Variants in DLGAP1 observed in about 807,000 individuals in gnomAD.
The protein encoded by DLGAP1 is DLG associated protein 1, also known as disks large-associated protein 1.
Under a neutral mutation model 90.8 loss-of-function variants are expected in DLGAP1, and 11 were observed. The ratio of observed to expected loss-of-function variants is 0.12; its 90% CI spans 0.08 to 0.20. The LOEUF is 0.20. Among genes scored for constraint, DLGAP1 ranks in the 10% least tolerant of loss-of-function variants. The pLI, the probability that DLGAP1 is intolerant of heterozygous loss-of-function variation, is 1.00. For missense variants in DLGAP1, 1,050 were observed against 1,333.8 expected, an observed-to-expected ratio of 0.79 and a Z score of 3.31; for synonymous variants, 558 against 540.7, an observed-to-expected ratio of 1.03 and a Z score of -0.44.
At chr18:3,591,069 C>T (rs2056210128) in intron 7 of DLGAP1, among the ~76,000 whole-genome samples, 1 of 152,082 alleles carries the variant, frequency 6.6e-6, no homozygotes, top group African/African-American at 2.4e-5. Context: ...CACTAATCTG[C>T]AGCAGATTGA....
At chr18:4,277,733 G>A (rs1223177438) in intron 1 of DLGAP1, among the ~76,000 whole-genome samples, 1 of 152,146 alleles carries the variant, frequency 6.6e-6, no homozygotes, top group Non-Finnish European at 1.5e-5. Flanking sequence ...AGTTTCCAGA[G>A]ATACTACTGT....
Position 3,517,588 on chromosome 18 carries a change from C to T in DLGAP1, c.2480-8927G>A, listed in dbSNP as rs562232793. On this transcript the variant is annotated intron_variant, in intron 10 of 12. Transcript: ENST00000315677. The surrounding 1 kb of genome is among the most constrained non-coding windows in gnomAD (Gnocchi z 4.1). ...ATCCCAGCACTTTGGGAGGCTGAGGCGGGTGGGTTACCTGAGGTCAGGAGG... is the reference window on the plus strand; with the variant it reads ...ATCCCAGCACTTTGGGAGGCTGAGGTGGGTGGGTTACCTGAGGTCAGGAGG... Among the ~76,000 whole-genome samples the T allele has an allele frequency of 6.6e-6, 1 of 152,080 alleles. No homozygotes were observed.
intron 2 of DLGAP1, among the ~76,000 whole-genome samples, chr18:4,101,442 C>T (rs2075776601): frequency 1.3e-5 from 2 of 152,082 alleles, no homozygotes; most frequent in African/African-American, 4.8e-5. Context: ...AAGATCACTA[C>T]AATAGATAAC....
intron 1 of DLGAP1, among the ~76,000 whole-genome samples, chr18:4,239,922 T>C (rs1017405949): frequency 6.6e-6 from 1 of 152,218 alleles, no homozygotes; most frequent in Non-Finnish European, 1.5e-5. Context: ...ACCTACTTAA[T>C]ATAATTTCCT....
chr18:4,419,674 GTCCT>G (rs1395157912), intron 1 of DLGAP1, among the ~76,000 whole-genome samples: 2 of 146,632 alleles, frequency 1.4e-5, no homozygotes, highest in East Asian at 4.0e-4. Context: ...ATTATTTAAG[GTCCT>G]TACATAATGC....
At chr18:3,631,847 G>A (rs1197980668) in intron 7 of DLGAP1, among the ~76,000 whole-genome samples, 1 of 152,142 alleles carries the variant, frequency 6.6e-6, no homozygotes, top group Non-Finnish European at 1.5e-5. Flanking sequence ...CAAATGGCGA[G>A]ATCATAGTTC....
intron 7 of DLGAP1, among the ~76,000 whole-genome samples, chr18:3,658,134 G>A (rs1023901576): frequency 6.6e-6 from 1 of 152,144 alleles, no homozygotes; most frequent in Admixed American, 6.5e-5. Flanking sequence ...TGTACATAAA[G>A]TTGGGCAGAG....
At position 4,084,878 on chromosome 18, in the gene DLGAP1, T is replaced by C. The variant is rs370445032; in HGVS notation, c.-159+66302A>G. On this transcript the variant is annotated intron_variant, in intron 2 of 12. Coordinates refer to ENST00000315677, the MANE Select transcript of DLGAP1 (RefSeq NM_004746.4). The surrounding 1 kb of genome is among the most constrained non-coding windows in gnomAD (Gnocchi z 4.0). ...AGGAAGAGTGAAGGAAAGCCTTTCCTCCCCTACATTTTATTCTGTTTAAGT... is the reference window on the plus strand; with the variant it reads ...AGGAAGAGTGAAGGAAAGCCTTTCCCCCCCTACATTTTATTCTGTTTAAGT... Among the ~76,000 whole-genome samples, 44 of 152,274 alleles carry C rather than the reference T, an allele frequency of 2.9e-4. No individual in the cohort carries two copies. In the East Asian group the frequency reaches 4.1e-3, roughly 14 times the overall value.
intron 4 of DLGAP1, among the ~76,000 whole-genome samples, chr18:3,829,448 T>TGGGGGGGGGGGGGGGGG (rs1568204049): frequency 8.4e-5 from 1 of 11,862 alleles, no homozygotes; most frequent in African/African-American, 3.1e-4. Flanking sequence ...AGCTTGGGGG[T>TGGGGGGGGGGGGGGGGG]GGGAGGGGGT....
chr18:4,210,860 C>T (rs562645834), intron 1 of DLGAP1, among the ~76,000 whole-genome samples: 2 of 152,256 alleles, frequency 1.3e-5, no homozygotes, highest in Admixed American at 6.5e-5. Context: ...TTAACCCTTT[C>T]GTTTACATGT....
intron 3 of DLGAP1, among the ~76,000 whole-genome samples, chr18:3,958,991 T>C (rs1478613741): frequency 6.6e-6 from 1 of 152,226 alleles, no homozygotes; most frequent in Admixed American, 6.5e-5. Context: ...CAAAGTGTGA[T>C]GTTGGGTCAC....
At chr18:4,247,702 G>A (rs908654478) in intron 1 of DLGAP1, among the ~76,000 whole-genome samples, 147 of 152,128 alleles carry the variant, frequency 9.7e-4, no homozygotes, top group Non-Finnish European at 1.0e-4. Flanking sequence ...ACTTAAACCT[G>A]GGAGATGGAG....
chr18:4,138,294 C>T (rs1262211572), intron 2 of DLGAP1, among the ~76,000 whole-genome samples: 1 of 150,448 alleles, frequency 6.6e-6, no homozygotes, highest in Non-Finnish European at 1.5e-5. Flanking sequence ...TCTACACCCA[C>T]TTTTTTGAAG....
intron 5 of DLGAP1, among the ~76,000 whole-genome samples, chr18:3,796,773 A>G (rs1952287199): frequency 6.6e-6 from 1 of 152,230 alleles, no homozygotes. Context: ...AATGCTCAGA[A>G]TTCATATTTT....
chr18:4,144,177 T>C (rs1006178864), intron 2 of DLGAP1, among the ~76,000 whole-genome samples: 10 of 152,200 alleles, frequency 6.6e-5, no homozygotes, highest in African/African-American at 2.4e-4. Context: ...GCACCAGGAC[T>C]TGCCCCAGAA....
rs563492689 is a variant in DLGAP1 at position 4,395,309 on chromosome 18, A to G, written c.-267+59697T>C. The stretch of plus-strand genomic sequence containing the variant: ...TTTTTATATCCCTATTACTATCTCT[A>G]AAACATTGGGGAGGTAAGTATCGCT... On this transcript the variant is annotated intron_variant, in intron 1 of 12. Coordinates refer to ENST00000315677, the MANE Select transcript of DLGAP1 (RefSeq NM_004746.4). Among the ~76,000 whole-genome samples, 19 of 152,360 alleles carry G rather than the reference A, an allele frequency of 1.2e-4. No homozygotes were observed. In the South Asian group the frequency reaches 3.9e-3, roughly 32 times the overall value.
intron 1 of DLGAP1, among the ~76,000 whole-genome samples, chr18:4,385,541 T>C (rs1328896747): frequency 2.6e-5 from 4 of 152,104 alleles, no homozygotes; most frequent in African/African-American, 7.2e-5. Context: ...AGATTGCTGG[T>C]TGCTGCCAGG....
chr18:4,278,444 T>G (rs891377364), intron 1 of DLGAP1, among the ~76,000 whole-genome samples: 4 of 152,148 alleles, frequency 2.6e-5, no homozygotes, highest in Non-Finnish European at 5.9e-5. Flanking sequence ...CCTCCCACTC[T>G]CCTACTCTTC....
chr18:3,611,132 TA>T lies in DLGAP1; in HGVS notation c.1592-28885del, dbSNP rs879375557. Among the ~76,000 whole-genome samples the T allele has an allele frequency of 1.3e-3, 186 of 145,314 alleles. 1 individual carries two copies. Among genetic ancestry groups the T allele is most frequent in the Non-Finnish European group, 1.5e-3 (99 of 65,732 alleles). ...GGGCGATAGAGCAAGACCCTGTCTT[TA>T]AAAAAAAAAAGTGTATACTTTTTTT... is the stretch of plus-strand genomic sequence containing the variant. On this transcript the variant is annotated intron_variant, in intron 7 of 12. Transcript: ENST00000315677.
Sources: gnomAD v4.1 joint callset for allele counts (sites outside exome capture counted in the v4.1 genomes callset) on GRCh38, gnomAD v4.1.1 for gene constraint, Gnocchi (gnomAD v3.1) non-coding constraint, MANE v1.5 for transcripts, NCBI Gene and HGNC (gene_info 2026-07-23, HGNC 2026-07-21) for gene names.